ZNF571: variants seen among roughly 807,000 people sequenced by gnomAD.
ZNF571 encodes the protein zinc finger protein 571.
A neutral mutation model predicts 7.7 loss-of-function variants in ZNF571; 4 were observed. The observed-to-expected ratio is 0.52, with a 90% CI of 0.25 to 1.18. The LOEUF (loss-of-function observed/expected upper bound fraction) is 1.18, where lower values mean the gene tolerates loss of function less well. Ranked by LOEUF, ZNF571 falls within the 50% of genes most tolerant of loss-of-function variation. ZNF571 has a pLI of 0.14. For missense variants in ZNF571, 704 were observed against 726.9 expected (o/e 0.97, Z 0.36); for synonymous variants, 251 against 232.4 (o/e 1.08, Z -0.73).
In ZNF571 at chr19:37,564,726, T is replaced by A. The variant is rs141866022; in HGVS notation, c.1702A>T (p.Ser568Cys). Reference sequence around the variant, plus strand: ...TGCAGAGTAAGTTCTGAGCCACGACTAAAGGCCCTCCCACATTCCTTACAT... The same window carrying A: ...TGCAGAGTAAGTTCTGAGCCACGACAAAAGGCCCTCCCACATTCCTTACAT... ...YECKECGRAFSRGSELTLHQR... is the reference protein window; with the variant it reads ...YECKECGRAFCRGSELTLHQR... The change falls in exon 4 of 4, where the codon AGT becomes TGT. Residue 568 changes from serine (S) to cysteine (C), a missense_variant. Physicochemically the swap from Ser to Cys is moderately radical, Grantham distance 112 (BLOSUM62 -1). Transcript: ENST00000451802. 1 of 1,613,520 alleles carries A rather than the reference T, an allele frequency of 6.2e-7. No individual in the cohort carries two copies. The highest frequency in any genetic ancestry group is 1.3e-5 in the African/African-American group (1 of 74,926).
At chr19:37,582,094 T>G (rs1262375152) in intron 3 of ZNF571, among the ~76,000 whole-genome samples, 1 of 152,214 alleles carries the variant, frequency 6.6e-6, no homozygotes, top group African/African-American at 2.4e-5. Flanking sequence ...TAAACTCTAT[T>G]TGTAACTTTG....
intron 2 of ZNF571, 100 bp from the exon 3 acceptor site, chr19:37,584,197 AAAC>A: frequency 6.4e-7 from 1 of 1,557,300 alleles, no homozygotes; most frequent in Non-Finnish European, 8.7e-7. Flanking sequence ...AAGTAACACA[AAAC>A]AACAGGAAAT....
chr19:37,565,483 G>C lies in ZNF571; in HGVS notation c.945C>G (p.Ala315=). Residue 315 remains alanine (A), a synonymous_variant, in exon 4 of 4, where the codon GCC becomes GCG. Transcript: ENST00000451802. ...ATGTAAGGTGTGAACCAAGAATAAA[G>C]GCCTTTCCACATTCCTTACACTCAT... ...KPYECKECGK[A]FILGSHLTYH... The C allele has an allele frequency of 6.2e-7, 1 of 1,613,244 alleles. No homozygotes were observed. The highest frequency in any genetic ancestry group is 8.5e-7 in the Non-Finnish European group (1 of 1,179,728).
At chr19:37,572,637 G>C (rs2043102915) in intron 3 of ZNF571, among the ~76,000 whole-genome samples, 1 of 152,188 alleles carries the variant, frequency 6.6e-6, no homozygotes, top group African/African-American at 2.4e-5. Context: ...TTTTTGCTAA[G>C]AAAGTATGCA....
intron 2 of ZNF571, chr19:37,586,311 G>C (rs2043672156): frequency 4.9e-6 from 1 of 202,280 alleles, no homozygotes; most frequent in Non-Finnish European, 9.8e-6. Flanking sequence ...TTGTAGAGAA[G>C]ATCAAATTTT....
At chr19:37,584,507 A>G (rs1310970881) in intron 2 of ZNF571, among the ~76,000 whole-genome samples, 1 of 152,176 alleles carries the variant, frequency 6.6e-6, no homozygotes, top group Admixed American at 6.5e-5. Context: ...TTTTTTTCCA[A>G]ACAATGTTTA....
chr19:37,567,333 T>C (rs2042896166), intron 3 of ZNF571, among the ~76,000 whole-genome samples: 1 of 152,228 alleles, frequency 6.6e-6, no homozygotes, highest in South Asian at 2.1e-4. Context: ...AAAATATATA[T>C]GTTCCTTCAT....
chr19:37,582,217 A>C (rs950381951), intron 3 of ZNF571, among the ~76,000 whole-genome samples: 1 of 152,146 alleles, frequency 6.6e-6, no homozygotes, highest in Non-Finnish European at 1.5e-5. Flanking sequence ...CTCCACAATG[A>C]GGTTTTTGTT....
rs778688397 is a variant in ZNF571, at chr19:37,564,978, C to T, written c.1450G>A (p.Val484Ile). Reference sequence around the variant, plus strand: ...TGATATGTAAGTTGTGTAGCACGTACAAAGGTCTTCCCACATTCCTTACAT... The same window carrying T: ...TGATATGTAAGTTGTGTAGCACGTATAAAGGTCTTCCCACATTCCTTACAT... ...YECKECGKTF[V>I]RATQLTYHQR... Residue 484 changes from valine to isoleucine, a missense_variant, in exon 4 of 4, where the codon GTA (valine) becomes ATA (isoleucine). Physicochemically the swap from Val to Ile is conservative, Grantham distance 29. Transcript: ENST00000451802. The T allele has an allele frequency of 3.0e-5, 49 of 1,613,220 alleles. No individual in the cohort carries two copies. Among genetic ancestry groups the T allele is most frequent in the Non-Finnish European group, 4.0e-5 (47 of 1,179,792 alleles).
At chr19:37,581,045 T>A (rs8104994) in intron 3 of ZNF571, among the ~76,000 whole-genome samples, 40,517 of 152,174 alleles carry the variant, frequency 0.27, 6,449 homozygotes, top group Non-Finnish European at 0.37. Flanking sequence ...TAGCATTATT[T>A]ACTTCAATTG....
At chr19:37,590,826 C>T (rs1451097727) in intron 1 of ZNF571, among the ~76,000 whole-genome samples, 1 of 152,014 alleles carries the variant, frequency 6.6e-6, no homozygotes, top group Non-Finnish European at 1.5e-5. Flanking sequence ...AGAGGCATAA[C>T]CAAATGTAAT....
In ZNF571 at chr19:37,565,332, T is replaced by C. The variant is rs1266794503; in HGVS notation, c.1096A>G (p.Lys366Glu). 1 of 1,612,840 alleles carries C rather than the reference T, an allele frequency of 6.2e-7. No homozygotes were observed. The highest frequency in any genetic ancestry group is 1.1e-5 in the South Asian group (1 of 90,816). ...IHTGEKPYECKECGKTFFRGS... is the reference protein window; with the variant it reads ...IHTGEKPYECEECGKTFFRGS... The stretch of plus-strand genomic sequence containing the variant: ...CGAAAAAAGGTCTTCCCGCATTCTT[T>C]ACATTCATAGGGTTTCTCTCCTGTA... Residue 366 changes from lysine to glutamate, a missense_variant, in exon 4 of 4, where the codon AAA becomes GAA. Physicochemically the swap from Lys to Glu is moderately conservative, Grantham distance 56. Transcript: ENST00000451802.
At chr19:37,566,469 G>T (rs2042864916) in intron 3 of ZNF571, 178 bp from the exon 4 acceptor site, 1 of 674,442 alleles carries the variant, frequency 1.5e-6, no homozygotes, top group African/African-American at 1.8e-5. Flanking sequence ...AAAAAGGAGA[G>T]CTTATAGGAA....
chr19:37,590,516 T>A (rs2147213356), intron 1 of ZNF571, among the ~76,000 whole-genome samples: 1 of 152,306 alleles, frequency 6.6e-6, no homozygotes, highest in Non-Finnish European at 1.5e-5. Context: ...ACATCTCTGC[T>A]ACATTTCATT....
intron 3 of ZNF571, among the ~76,000 whole-genome samples, chr19:37,570,857 A>G (rs1162406194): frequency 6.6e-6 from 1 of 152,146 alleles, no homozygotes; most frequent in Non-Finnish European, 1.5e-5. Flanking sequence ...ACCCCTTTAT[A>G]TCCTCCATCT....
At chr19:37,568,324 C>CT (rs370359668) in intron 3 of ZNF571, among the ~76,000 whole-genome samples, 2 of 150,726 alleles carry the variant, frequency 1.3e-5, no homozygotes, top group East Asian at 4.0e-4. Flanking sequence ...ACTACCCCCC[C>CT]CCACTTGCCA....
chr19:37,564,889 A>ATAAATAAAGGCCTTGTCAC lies in ZNF571; in HGVS notation c.1520_1538dup (p.Tyr513Ter). 1 of 1,614,114 alleles carries ATAAATAAAGGCCTTGTCAC rather than the reference A, an allele frequency of 6.2e-7. No homozygotes were observed. The highest frequency in any genetic ancestry group is 8.5e-7 in the Non-Finnish European group (1 of 1,179,980). On this transcript the variant is annotated stop_gained and frameshift_variant, in exon 4 of 4. Coordinates refer to ENST00000451802, the MANE Select transcript of ZNF571 (RefSeq NM_016536.5). LOFTEE classifies it low-confidence loss of function (END_TRUNC). ...TCTGATGTTCACTAAGTTGTGAGCC[A>ATAAATAAAGGCCTTGTCAC]TAAATAAAGGCCTTGTCACATTCCT...
At chr19:37,586,487 G>A in intron 2 of ZNF571, 181 bp downstream of exon 2, 1 of 656,840 alleles carries the variant, frequency 1.5e-6, no homozygotes, top group South Asian at 1.9e-5. Context: ...AAACTGTTTG[G>A]AGAGGGGAAA....
At chr19:37,571,169 G>A (rs2043037238) in intron 3 of ZNF571, among the ~76,000 whole-genome samples, 1 of 152,078 alleles carries the variant, frequency 6.6e-6, no homozygotes, top group Non-Finnish European at 1.5e-5. Context: ...AACTGCCCAT[G>A]ACCACACAAC....
Sources: allele counts gnomAD v4.1 joint callset (sites outside exome capture counted in the v4.1 genomes callset), GRCh38; gene constraint gnomAD v4.1.1; transcripts MANE v1.5; gene names NCBI Gene and HGNC (gene_info 2026-07-23, HGNC 2026-07-21).